BICC1: variants seen among roughly 807,000 people sequenced by gnomAD.
BICC1 encodes the protein protein bicaudal C homolog 1.
In BICC1, 43 loss-of-function variants were observed where a neutral mutation model predicts 111.0. The observed-to-expected ratio is 0.39, with a 90% CI of 0.30 to 0.50. The LOEUF (loss-of-function observed/expected upper bound fraction) is 0.50, where lower values mean the gene tolerates loss of function less well. BICC1 is among the 20% of genes least tolerant of loss of function. The pLI is 0.88. For synonymous variants in BICC1, 467 were observed against 434.4 expected (o/e 1.07, Z -0.93); for missense variants, 1,091 against 1,203.2 (o/e 0.91, Z 1.38).
intron 14 of BICC1, among the ~76,000 whole-genome samples, chr10:58,802,426 G>A (rs1461541296): frequency 6.6e-6 from 1 of 152,160 alleles, no homozygotes; most frequent in Non-Finnish European, 1.5e-5. Context: ...CCTATTTTGA[G>A]CCTAAGGTGC....
intron 1 of BICC1, among the ~76,000 whole-genome samples, chr10:58,601,886 C>G (rs553099201): frequency 6.6e-6 from 1 of 151,918 alleles, no homozygotes; most frequent in African/African-American, 2.4e-5. Flanking sequence ...AAATCTTTCT[C>G]GAATTAATCT....
intron 1 of BICC1, among the ~76,000 whole-genome samples, chr10:58,603,991 A>G (rs1845126878): frequency 6.6e-6 from 1 of 152,166 alleles, no homozygotes; most frequent in Admixed American, 6.5e-5. Flanking sequence ...GTTCAGATCT[A>G]TATTTCTGTT....
intron 1 of BICC1, among the ~76,000 whole-genome samples, chr10:58,546,795 A>G (rs759060984): frequency 6.6e-6 from 1 of 152,228 alleles, no homozygotes; most frequent in South Asian, 2.1e-4. Context: ...AATCAATATT[A>G]AAGTATCAGT....
rs147111114 is a variant in BICC1 at position 58,810,640 on chromosome 10, G to T, written c.2377-3190G>T. Among the ~76,000 whole-genome samples, 940 of 152,140 alleles carry T rather than the reference G, an allele frequency of 6.2e-3. 11 individuals are homozygous for T. The highest frequency in any genetic ancestry group is 0.022 in the African/African-American group (912 of 41,512). On this transcript the variant is annotated intron_variant, in intron 17 of 20. Coordinates refer to ENST00000373886, the MANE Select transcript of BICC1 (RefSeq NM_001080512.3). ...TCCTTTATTCTTCTATAGCTCAGAA[G>T]GATCAGAAATAGGGCATCCAGTGAG...
chr10:58,688,560 G>A (rs535856306), intron 2 of BICC1, among the ~76,000 whole-genome samples: 1 of 152,100 alleles, frequency 6.6e-6, no homozygotes, highest in African/African-American at 2.4e-5. Flanking sequence ...AAATCATTTT[G>A]CTATAAAGAC....
In BICC1 at chr10:58,803,125, C is replaced by T; in HGVS notation, c.2064C>T (p.Ser688=). ...LSDPELSATE[S]PLADKKAPGS... ...ACCCTGAACTGAGTGCTACCGAAAG[C>T]CCTTTGGCTGACAAGAAGGCTCCAG... The change falls in exon 15 of 21, where the codon AGC becomes AGT. Residue 688 remains serine, a synonymous_variant. Transcript: ENST00000373886. The T allele has an allele frequency of 6.2e-7, 1 of 1,609,970 alleles. No individual in the cohort carries two copies. The highest frequency in any genetic ancestry group is 8.5e-7 in the Non-Finnish European group (1 of 1,178,032).
chr10:58,513,147 G>T lies in BICC1; in HGVS notation c.4G>T (p.Ala2Ser). Residue 2 changes from alanine (A) to serine (S), a missense_variant, in exon 1 of 21, where the codon GCC (alanine) becomes TCC (serine). This residue lies in a region of BICC1 where 843 missense variants were observed against 900.8 expected (regional missense o/e 0.94). Coordinates refer to ENST00000373886, the MANE Select transcript of BICC1 (RefSeq NM_001080512.3). ...GCCCGAGCGCTGCGCGCCCACCATG[G>T]CCGCCCAGGGAGAGCCCGGCTACCT... is the stretch of plus-strand genomic sequence containing the variant. MAAQGEPGYLAA... is the reference protein window; with the variant it reads MSAQGEPGYLAA... The T allele has an allele frequency of 6.6e-7, 1 of 1,510,478 alleles. No individual in the cohort carries two copies. The allele number at this position is 1,510,478 out of a possible 1,614,324, so 93.6% of individuals were successfully genotyped here. A position where few individuals can be genotyped will look rare whatever the true frequency, so the allele number is the denominator to read the frequency against.
At chr10:58,586,812 T>C (rs2132028011) in intron 1 of BICC1, among the ~76,000 whole-genome samples, 1 of 152,216 alleles carries the variant, frequency 6.6e-6, no homozygotes, top group South Asian at 2.1e-4. Context: ...GAAATATGTA[T>C]GTTTATGTGT....
chr10:58,710,044 A>AT (rs1426237594), intron 3 of BICC1, among the ~76,000 whole-genome samples: 1 of 152,182 alleles, frequency 6.6e-6, no homozygotes. Flanking sequence ...GGGTCCTACC[A>AT]TTTGTTGAAA....
At chr10:58,806,312 AT>A (rs889268035) in intron 15 of BICC1, among the ~76,000 whole-genome samples, 5 of 151,612 alleles carry the variant, frequency 3.3e-5, no homozygotes, top group Non-Finnish European at 7.4e-5. Flanking sequence ...GGTAAATAAG[AT>A]TTTTTTTTCT....
At chr10:58,516,845 T>G (rs1454768066) in intron 1 of BICC1, among the ~76,000 whole-genome samples, 1 of 152,118 alleles carries the variant, frequency 6.6e-6, no homozygotes, top group East Asian at 1.9e-4. Context: ...TCACATTAAC[T>G]CAACTGAGTT....
intron 2 of BICC1, among the ~76,000 whole-genome samples, chr10:58,626,044 A>C (rs1316611608): frequency 6.6e-6 from 1 of 152,224 alleles, no homozygotes; most frequent in Non-Finnish European, 1.5e-5. Context: ...TAAGATCCAG[A>C]TATTTTAAAG....
At chr10:58,564,858 T>A (rs941571090) in intron 1 of BICC1, among the ~76,000 whole-genome samples, 1 of 152,238 alleles carries the variant, frequency 6.6e-6, no homozygotes, top group Non-Finnish European at 1.5e-5. Context: ...GTTAAAAATA[T>A]GAAATAATAT....
At chr10:58,524,288 G>A (rs1397073033) in intron 1 of BICC1, among the ~76,000 whole-genome samples, 1 of 152,154 alleles carries the variant, frequency 6.6e-6, no homozygotes, top group Non-Finnish European at 1.5e-5. Context: ...CACGCTACCT[G>A]ACTTCAAACT....
rs548127986 is a variant in BICC1 at position 58,677,957 on chromosome 10, G to A, written c.238-24117G>A. Among the ~76,000 whole-genome samples the A allele has an allele frequency of 8.7e-4, 132 of 152,230 alleles. 2 individuals are homozygous for A. Among genetic ancestry groups the A allele is most frequent in the Admixed American group, 8.6e-3 (131 of 15,292 alleles). ...CAGCCAAACTAAGCTTCATAAGTGAGGGAGAAATAAAATCCTTTACAGACA... is the reference window on the plus strand; with the variant it reads ...CAGCCAAACTAAGCTTCATAAGTGAAGGAGAAATAAAATCCTTTACAGACA... On this transcript the variant is annotated intron_variant, in intron 2 of 20. Transcript: ENST00000373886.
chr10:58,670,770 A>G (rs1839159486), intron 2 of BICC1, among the ~76,000 whole-genome samples: 1 of 152,202 alleles, frequency 6.6e-6, no homozygotes, highest in African/African-American at 2.4e-5. Flanking sequence ...ATCTTTATTC[A>G]TGAAAGCCAA....
chr10:58,707,859 G>A (rs12570865), intron 3 of BICC1, among the ~76,000 whole-genome samples: 21 of 152,146 alleles, frequency 1.4e-4, no homozygotes, highest in South Asian at 1.2e-3. Flanking sequence ...CACCACGCCC[G>A]GCTAATTTTG....
intron 1 of BICC1, among the ~76,000 whole-genome samples, chr10:58,544,759 T>C (rs1843091062): frequency 6.6e-6 from 1 of 152,066 alleles, no homozygotes; most frequent in Non-Finnish European, 1.5e-5. Context: ...TTATTACAGG[T>C]TGAATTGTGT....
chr10:58,647,515 A>C (rs1838304987), intron 2 of BICC1, among the ~76,000 whole-genome samples: 1 of 152,212 alleles, frequency 6.6e-6, no homozygotes, highest in Non-Finnish European at 1.5e-5. Context: ...TGGAATCCAG[A>C]GAAATGAATC....
Sources: gnomAD v4.1 joint callset for allele counts (sites outside exome capture counted in the v4.1 genomes callset) on GRCh38, gnomAD v4.1.1 for gene constraint, gnomAD v4.1.1 regional missense constraint, MANE v1.5 for transcripts, NCBI Gene and HGNC (gene_info 2026-07-23, HGNC 2026-07-21) for gene names.